Variants in FRMD3 observed in about 807,000 individuals in gnomAD.
The protein encoded by FRMD3 is FERM domain-containing protein 3.
FRMD3 carries 33 observed loss-of-function variants against 70.2 expected under a neutral mutation model. That is an observed-to-expected ratio of 0.47 (90% confidence interval 0.36 to 0.63). FRMD3 has a LOEUF of 0.63. Ranked by LOEUF, FRMD3 falls within the 20% of genes least tolerant of loss-of-function variation. FRMD3 has a pLI of 0.00. For missense variants in FRMD3, 632 were observed against 711.4 expected (o/e 0.89, Z 1.27); for synonymous variants, 279 against 255.9 (o/e 1.09, Z -0.86).
At chr9:83,514,196 A>G (rs767484554) in intron 1 of FRMD3, among the ~76,000 whole-genome samples, 12 of 152,158 alleles carry the variant, frequency 7.9e-5, no homozygotes, top group African/African-American at 2.7e-4. Context: ...GGAGCCCAAC[A>G]AGCTAAGATC....
At chr9:83,392,139 C>T (rs1376075889) in intron 1 of FRMD3, among the ~76,000 whole-genome samples, 1 of 151,986 alleles carries the variant, frequency 6.6e-6, no homozygotes, top group African/African-American at 2.4e-5. Flanking sequence ...AAAAATCAGT[C>T]CTTTCCTGCC....
In FRMD3 at chr9:83,246,028, T is replaced by G. The variant is rs2118460438; in HGVS notation, c.*1890A>C. On this transcript the variant is annotated 3_prime_UTR_variant, in exon 14 of 14. Transcript: ENST00000304195. ...AACCCCTCAAACTTAATGGCAAATA[T>G]ATAGTCATTTGCTCGACTGCAGGCT... The G allele has an allele frequency of 1.0e-6, 1 of 985,294 alleles. No homozygotes were observed. Among genetic ancestry groups the G allele is most frequent in the African/African-American group, 1.7e-5 (1 of 57,336 alleles). 61.0% of individuals were successfully genotyped at this position (985,294 alleles called of 1,614,324 possible).
intron 1 of FRMD3, among the ~76,000 whole-genome samples, chr9:83,431,440 T>G (rs922954176): frequency 6.6e-6 from 1 of 152,238 alleles, no homozygotes; most frequent in African/African-American, 2.4e-5. Context: ...AATTAAAATC[T>G]AAAATTTTTA....
At chr9:83,359,115 A>G (rs536941323) in intron 3 of FRMD3, among the ~76,000 whole-genome samples, 1 of 152,296 alleles carries the variant, frequency 6.6e-6, no homozygotes, top group African/African-American at 2.4e-5. Context: ...GTGTTTCCCC[A>G]GCTTCCAAAG....
rs111849345 is a variant in FRMD3, at chr9:83,455,415, C to T, written c.148-65707G>A. 2.1e-3 allele frequency among the ~76,000 whole-genome samples: 321 copies of T among 152,286 alleles called. 1 individual carries two copies. The highest frequency in any genetic ancestry group is 7.4e-3 in the African/African-American group (307 of 41,554). On this transcript the variant is annotated intron_variant, in intron 1 of 13. Transcript: ENST00000304195. Reference sequence around the variant, plus strand: ...TCATGGGGGCTGGTCTTTCCCGTGCCATTCTCATGATAGTGAATTAAGTCT... The same window carrying T: ...TCATGGGGGCTGGTCTTTCCCGTGCTATTCTCATGATAGTGAATTAAGTCT...
At chr9:83,371,908 TAAAG>T (rs1173870127) in intron 3 of FRMD3, among the ~76,000 whole-genome samples, 2 of 152,118 alleles carry the variant, frequency 1.3e-5, no homozygotes, top group Non-Finnish European at 2.9e-5. Context: ...AGAAGAAAGT[TAAAG>T]AAGAGATACG....
chr9:83,390,106 G>A (rs1825625725), intron 1 of FRMD3, among the ~76,000 whole-genome samples: 1 of 152,108 alleles, frequency 6.6e-6, no homozygotes, highest in African/African-American at 2.4e-5. Context: ...TAATTCCTCG[G>A]TACATATTCA....
At chr9:83,515,729 G>A (rs1829440572) in intron 1 of FRMD3, among the ~76,000 whole-genome samples, 2 of 152,144 alleles carry the variant, frequency 1.3e-5, no homozygotes, top group Non-Finnish European at 2.9e-5. Flanking sequence ...GAAAAGTCGG[G>A]TTACCCACAA....
rs763340189 is a variant in FRMD3 at position 83,450,347 on chromosome 9, GTTTTT to G, written c.148-60644_148-60640del. ...AATGAGATCCCAACTGTCACCCTCA[GTTTTT>G]TTTTTTTTTTTTTTTTTTATTATAC... On this transcript the variant is annotated intron_variant, in intron 1 of 13. Coordinates refer to ENST00000304195, the MANE Select transcript of FRMD3 (RefSeq NM_174938.6). Among the ~76,000 whole-genome samples the G allele has an allele frequency of 3.0e-3, 335 of 111,572 alleles. 3 individuals carry two copies. Among genetic ancestry groups the G allele is most frequent in the Middle Eastern group, 0.021 (4 of 192 alleles). The allele number at this position is 111,572 out of a possible 152,430, so 73.2% of individuals were successfully genotyped here.
chr9:83,499,175 C>A (rs1355489242), intron 1 of FRMD3, among the ~76,000 whole-genome samples: 4 of 152,162 alleles, frequency 2.6e-5, no homozygotes, highest in Non-Finnish European at 5.9e-5. Context: ...AACAAAAATT[C>A]TGGGTGCAGT....
chr9:83,267,230 A>G (rs1460525401), intron 13 of FRMD3: 2 of 1,530,370 alleles, frequency 1.3e-6, no homozygotes, highest in East Asian at 2.5e-5. Flanking sequence ...GGACCTAGGC[A>G]GGACCCACTG....
chr9:83,339,477 G>A lies in FRMD3; in HGVS notation c.472+3713C>T, dbSNP rs568689326. Among the ~76,000 whole-genome samples, 153 of 152,276 alleles carry A rather than the reference G, an allele frequency of 1.0e-3. 1 individual carries two copies. Among genetic ancestry groups the A allele is most frequent in the African/African-American group, 3.6e-3 (148 of 41,552 alleles). ...TTTCTAAAAGGATTCAATTCTAAGA[G>A]AAAAATCCAATGAGTTTGAAGTGAA... On this transcript the variant is annotated intron_variant, in intron 5 of 13. Transcript: ENST00000304195.
chr9:83,250,838 C>A (rs1281240971), intron 13 of FRMD3, among the ~76,000 whole-genome samples: 2 of 152,218 alleles, frequency 1.3e-5, no homozygotes, highest in Non-Finnish European at 2.9e-5. Flanking sequence ...AGCCAGGGTT[C>A]TACAGACAGA....
rs573394052 is a variant in FRMD3, at chr9:83,347,354, C to A, written c.374+2325G>T. ...GCATCTCCCTTTAGTGTCATTCCTG[C>A]ATAAAAAGATTAAGCAACAAAAACC... On this transcript the variant is annotated intron_variant, in intron 4 of 13. Coordinates refer to ENST00000304195, the MANE Select transcript of FRMD3 (RefSeq NM_174938.6). 2.0e-5 allele frequency among the ~76,000 whole-genome samples: 3 copies of A among 152,192 alleles called. No individual in the cohort carries two copies. The East Asian group carries it at 5.8e-4, about 29-fold the overall frequency.
At chr9:83,353,163 C>T (rs933572082) in intron 3 of FRMD3, among the ~76,000 whole-genome samples, 1 of 151,594 alleles carries the variant, frequency 6.6e-6, no homozygotes, top group Admixed American at 6.6e-5. Flanking sequence ...GAAGAGTGTC[C>T]CTGTAAGTTG....
At chr9:83,343,136 C>T (rs552442242) in intron 5 of FRMD3, 54 bp downstream of exon 5, 4 of 1,275,400 alleles carry the variant, frequency 3.1e-6, no homozygotes, top group Non-Finnish European at 2.3e-6. Flanking sequence ...AGGCTTGAAA[C>T]AGCCAGAGCT....
rs549644473 is a variant in FRMD3, at chr9:83,335,211, T to C, written c.596+305A>G. ...TTCAAATCAGAAAGGTTTACTTATT[T>C]ACCTTAGATTCCACTTTCAGAAGCT... On this transcript the variant is annotated intron_variant, in intron 6 of 13. Coordinates refer to ENST00000304195, the MANE Select transcript of FRMD3 (RefSeq NM_174938.6). Among the ~76,000 whole-genome samples the C allele has an allele frequency of 3.0e-4, 45 of 152,328 alleles. 1 individual carries two copies. The highest frequency in any genetic ancestry group is 5.9e-4 in the Admixed American group (9 of 15,300).
At chr9:83,372,848 G>C in intron 3 of FRMD3, 65 bp downstream of exon 3, 1 of 1,424,542 alleles carries the variant, frequency 7.0e-7, no homozygotes, top group Non-Finnish European at 9.9e-7. Flanking sequence ...GAGAAAGTTT[G>C]TCAGGGAACA....
At position 83,247,541 on chromosome 9, in the gene FRMD3, G is replaced by T; in HGVS notation, c.*377C>A. 1 of 996,308 alleles carries T rather than the reference G, an allele frequency of 1.0e-6. No homozygotes were observed. Among genetic ancestry groups the T allele is most frequent in the South Asian group, 4.5e-5 (1 of 22,256 alleles). 61.7% of individuals were successfully genotyped at this position (996,308 alleles called of 1,614,324 possible). A position where few individuals can be genotyped will look rare whatever the true frequency, so the allele number is the denominator to read the frequency against. ...ATTATATTCAACAACTTTCTCTTGA[G>T]TTGTTACTAAAATTCTGATTCTGAA... On this transcript the variant is annotated 3_prime_UTR_variant, in exon 14 of 14. Transcript: ENST00000304195.
Sources: allele counts gnomAD v4.1 joint callset (sites outside exome capture counted in the v4.1 genomes callset), GRCh38; gene constraint gnomAD v4.1.1; transcripts MANE v1.5; gene names NCBI Gene and HGNC (gene_info 2026-07-23, HGNC 2026-07-21).